SLC25A48: variants seen among roughly 807,000 people sequenced by gnomAD.
The protein encoded by SLC25A48 is solute carrier family 25 member 48, also known as CTC-321K16.1.
In SLC25A48, 29 loss-of-function variants were observed where a neutral mutation model predicts 32.2. The observed-to-expected ratio is 0.90, with a 90% CI of 0.67 to 1.23. SLC25A48 has a LOEUF of 1.23. SLC25A48 is among the 50% of genes most tolerant of loss of function. The pLI is 0.00. For synonymous variants in SLC25A48, 164 were observed against 172.3 expected (o/e 0.95, Z 0.38); for missense variants, 399 against 422.7 (o/e 0.94, Z 0.49).
chr5:135,861,293 C>T (rs1206051018), intron 4 of SLC25A48, among the ~76,000 whole-genome samples: 2 of 149,216 alleles, frequency 1.3e-5, no homozygotes, highest in African/African-American at 5.1e-5. Context: ...TGGATGTGCA[C>T]TAGTCCATCA....
At chr5:135,595,455 C>T (rs1384042530) in intron 1 of SLC25A48, among the ~76,000 whole-genome samples, 1 of 152,226 alleles carries the variant, frequency 6.6e-6, no homozygotes, top group Non-Finnish European at 1.5e-5. Flanking sequence ...ACAGACACCA[C>T]TCACCATGGA....
At chr5:135,794,321 G>A (rs912423541) in intron 3 of SLC25A48, among the ~76,000 whole-genome samples, 1 of 151,534 alleles carries the variant, frequency 6.6e-6, no homozygotes, top group Admixed American at 6.6e-5. Context: ...GGGGTGAGAG[G>A]ATAGTATTAC....
chr5:135,804,688 G>A (rs1757422965), intron 3 of SLC25A48, among the ~76,000 whole-genome samples: 1 of 151,488 alleles, frequency 6.6e-6, no homozygotes, highest in South Asian at 2.1e-4. Flanking sequence ...ATCACAGTGT[G>A]TGTACAGTCT....
rs142322586 is a variant in SLC25A48 at position 135,722,090 on chromosome 5, C to T, written c.-521+87134C>T. Among the ~76,000 whole-genome samples, 515 of 152,270 alleles carry T rather than the reference C, an allele frequency of 3.4e-3. 6 individuals are homozygous for T. Among genetic ancestry groups the T allele is most frequent in the African/African-American group, 0.012 (483 of 41,538 alleles). ...GTGAAATTGTATACTGTGGTTTTGCCGTTGTTGTCAACAATATCAGCAGGC... is the reference window on the plus strand; with the variant it reads ...GTGAAATTGTATACTGTGGTTTTGCTGTTGTTGTCAACAATATCAGCAGGC... On this transcript the variant is annotated intron_variant, in intron 3 of 10. Coordinates refer to the SLC25A48 transcript ENST00000646290.
chr5:135,848,786 T>C (rs895385765), intron 2 of SLC25A48, among the ~76,000 whole-genome samples: 2 of 152,194 alleles, frequency 1.3e-5, no homozygotes, highest in African/African-American at 4.8e-5. Flanking sequence ...TCTCTGATTA[T>C]GAAAGTAATA....
chr5:135,795,868 C>T (rs759829977), intron 3 of SLC25A48, among the ~76,000 whole-genome samples: 2 of 139,330 alleles, frequency 1.4e-5, no homozygotes, highest in Non-Finnish European at 3.1e-5. Flanking sequence ...TGTACATCCC[C>T]GATGATATGG....
chr5:135,887,233 C>T (rs560542688), intron 7 of SLC25A48, among the ~76,000 whole-genome samples: 22 of 152,212 alleles, frequency 1.4e-4, no homozygotes, highest in African/African-American at 5.1e-4. Context: ...GTTTTTGCGG[C>T]GAAGTCTGGC....
At chr5:135,690,939 A>C (rs1754128842) in intron 3 of SLC25A48, among the ~76,000 whole-genome samples, 1 of 90,820 alleles carries the variant, frequency 1.1e-5, no homozygotes, top group Non-Finnish European at 2.5e-5. Flanking sequence ...GTCTTCAGGG[A>C]AGGCATTTTT....
rs558323327 is a variant in SLC25A48 at position 135,883,542 on chromosome 5, G to A, written c.*7+3445G>A. The A allele has an allele frequency of 1.4e-4, 130 of 923,260 alleles. 3 individuals carry two copies. The South Asian group carries it at 5.8e-3, about 41-fold the overall frequency. 57.2% of individuals were successfully genotyped at this position (923,260 alleles called of 1,614,324 possible). On this transcript the variant is annotated intron_variant, in intron 7 of 7. Coordinates refer to ENST00000681962, the MANE Select transcript of SLC25A48 (RefSeq NM_001349336.2). ...TCTCTCTCTGTTCAGGCCTCTGTGGGTGTTGCAGGCCCAGAGGGAAAACCC... is the reference window on the plus strand; with the variant it reads ...TCTCTCTCTGTTCAGGCCTCTGTGGATGTTGCAGGCCCAGAGGGAAAACCC...
intron 3 of SLC25A48, among the ~76,000 whole-genome samples, chr5:135,812,176 T>TGTA: frequency 6.6e-6 from 1 of 152,214 alleles, no homozygotes; most frequent in Non-Finnish European, 1.5e-5. Flanking sequence ...TTTTTAAGCT[T>TGTA]CTATGGGTAC....
chr5:135,672,021 A>G (rs1753667878), intron 3 of SLC25A48, among the ~76,000 whole-genome samples: 1 of 152,214 alleles, frequency 6.6e-6, no homozygotes, highest in South Asian at 2.1e-4. Flanking sequence ...AAGCAAAGCC[A>G]ACCATTAGCT....
At chr5:135,860,182 T>C (rs964395771) in intron 4 of SLC25A48, among the ~76,000 whole-genome samples, 2 of 152,236 alleles carry the variant, frequency 1.3e-5, no homozygotes, top group Non-Finnish European at 2.9e-5. Context: ...TTGCCCCCAC[T>C]GCCATAATTT....
chr5:135,736,767 C>T (rs56136621), intron 3 of SLC25A48, among the ~76,000 whole-genome samples: 61,559 of 151,946 alleles, frequency 0.41, 14,345 homozygotes, highest in Non-Finnish European at 0.52. Flanking sequence ...AGTCTGTGAC[C>T]GGTGCCGGAG....
chr5:135,602,285 A>G (rs1477500129), intron 1 of SLC25A48, among the ~76,000 whole-genome samples: 1 of 152,220 alleles, frequency 6.6e-6, no homozygotes, highest in Admixed American at 6.5e-5. Context: ...ACTTTCCCCA[A>G]ATCATTTACA....
At chr5:135,802,464 A>G (rs1757355024) in intron 3 of SLC25A48, among the ~76,000 whole-genome samples, 1 of 151,718 alleles carries the variant, frequency 6.6e-6, no homozygotes, top group Non-Finnish European at 1.5e-5. Flanking sequence ...CTACTATCAC[A>G]GTGGGTGTAC....
intron 3 of SLC25A48, among the ~76,000 whole-genome samples, chr5:135,695,505 C>T (rs1045343982): frequency 3.3e-5 from 5 of 152,220 alleles, no homozygotes; most frequent in Non-Finnish European, 5.9e-5. Context: ...GCAATGGGCA[C>T]AGCCCCAGTC....
chr5:135,800,860 A>G (rs1443176436), intron 3 of SLC25A48, among the ~76,000 whole-genome samples: 1 of 150,834 alleles, frequency 6.6e-6, no homozygotes, highest in Non-Finnish European at 1.5e-5. Context: ...GGTTCGTAAC[A>G]TCCAGAGGGG....
chr5:135,664,364 A>G (rs1349868273), intron 3 of SLC25A48, among the ~76,000 whole-genome samples: 1 of 152,112 alleles, frequency 6.6e-6, no homozygotes, highest in African/African-American at 2.4e-5. Context: ...TCTAGCCCAA[A>G]CATGTCTGCA....
intron 7 of SLC25A48, among the ~76,000 whole-genome samples, chr5:135,886,699 A>C (rs796955925): frequency 8.0e-6 from 1 of 124,732 alleles, no homozygotes; most frequent in Non-Finnish European, 1.7e-5. Flanking sequence ...AGAGAGAGAG[A>C]GAGTGTGTGT....
Sources: gnomAD v4.1 joint callset for allele counts (sites outside exome capture counted in the v4.1 genomes callset) on GRCh38, gnomAD v4.1.1 for gene constraint, MANE v1.5 for transcripts, NCBI Gene and HGNC (gene_info 2026-07-23, HGNC 2026-07-21) for gene names.